The following CSMD1 variants were observed in gnomAD, a reference collection of about 807,000 sequenced individuals.
CSMD1 encodes the protein CUB and sushi domain-containing protein 1.
CSMD1 carries 213 observed loss-of-function variants against 417.5 expected under a neutral mutation model. The ratio of observed to expected loss-of-function variants is 0.51; its 90% CI spans 0.46 to 0.57. CSMD1 has a LOEUF of 0.57. CSMD1 is among the 20% of genes least tolerant of loss of function. The probability of loss-of-function intolerance (pLI) is 0.00; values close to 1 mark genes in which losing one functional copy is unlikely to be tolerated. For missense variants in CSMD1, 6,923 were observed against 4,529.7 expected (o/e 1.53, Z -15.17); for synonymous variants, 2,862 against 1,736.8 (o/e 1.65, Z -16.11).
chr8:4,102,078 T>C (rs1055940791), intron 3 of CSMD1, among the ~76,000 whole-genome samples: 3 of 152,188 alleles, frequency 2.0e-5, no homozygotes, highest in African/African-American at 7.2e-5. Flanking sequence ...TTACCTGCGC[T>C]GCACTAATTT....
chr8:3,308,617 G>C (rs1367285440), intron 23 of CSMD1, 114 bp from the exon 24 acceptor site: 1 of 748,718 alleles, frequency 1.3e-6, no homozygotes, highest in African/African-American at 1.8e-5. Flanking sequence ...GGAGAAAAAA[G>C]GAGATTGTGA....
chr8:4,041,174 G>A lies in CSMD1; in HGVS notation c.416-9075C>T, dbSNP rs113581052. The stretch of plus-strand genomic sequence containing the variant: ...TGGGACTACAGGCGCCCGCCACCAC[G>A]CCCGGCTAATTTTTTTGTATTTTTG... On this transcript the variant is annotated intron_variant, in intron 3 of 69. Transcript: ENST00000635120. Among the ~76,000 whole-genome samples the A allele has an allele frequency of 1.2e-3, 189 of 151,676 alleles. 1 individual carries two copies. The highest frequency in any genetic ancestry group is 4.3e-3 in the African/African-American group (179 of 41,358).
chr8:2,973,308 A>G lies in CSMD1; in HGVS notation c.8741-9T>C, dbSNP rs368283887. On this transcript the variant is annotated splice_polypyrimidine_tract_variant and intron_variant, in intron 56 of 69. Transcript: ENST00000635120. ...GAATCCAGGATTATTTCCTATTGAA[A>G]ACAAACACATACGGCAATCCACAAT... 40 of 1,613,086 alleles carry G rather than the reference A, an allele frequency of 2.5e-5. No homozygotes were observed. The African/African-American group carries it at 4.7e-4, about 19-fold the overall frequency.
At chr8:3,881,277 C>G (rs1358431052) in intron 5 of CSMD1, among the ~76,000 whole-genome samples, 1 of 144,060 alleles carries the variant, frequency 6.9e-6, no homozygotes, top group Non-Finnish European at 1.5e-5. Flanking sequence ...TTTTTTTTCA[C>G]TAATTCATAA....
chr8:4,274,598 G>A (rs759990421), intron 3 of CSMD1, among the ~76,000 whole-genome samples: 16 of 152,060 alleles, frequency 1.1e-4, no homozygotes, highest in Non-Finnish European at 2.2e-4. Flanking sequence ...TCTATTAATA[G>A]ATTAATCTAT....
chr8:4,929,337 C>G (rs1807080556), intron 1 of CSMD1, among the ~76,000 whole-genome samples: 1 of 152,126 alleles, frequency 6.6e-6, no homozygotes. Context: ...AGCCACCTAC[C>G]CTATCACAGT....
intron 2 of CSMD1, among the ~76,000 whole-genome samples, chr8:4,524,365 T>C (rs1245201345): frequency 6.6e-6 from 1 of 152,064 alleles, no homozygotes; most frequent in African/African-American, 2.4e-5. Context: ...AAAGAAGATG[T>C]ATTCCTCTGT....
intron 11 of CSMD1, among the ~76,000 whole-genome samples, chr8:3,469,547 C>G (rs1035588460): frequency 6.6e-6 from 1 of 152,078 alleles, no homozygotes; most frequent in East Asian, 1.9e-4. Flanking sequence ...AACACTAAAT[C>G]CATTGATTGA....
intron 2 of CSMD1, among the ~76,000 whole-genome samples, chr8:4,530,443 G>T (rs1259130874): frequency 1.4e-5 from 2 of 144,658 alleles, no homozygotes; most frequent in African/African-American, 5.1e-5. Flanking sequence ...CATCATCTAG[G>T]TTTTAATCCC....
chr8:3,319,264 G>C (rs74368175), intron 23 of CSMD1, among the ~76,000 whole-genome samples: 1 of 152,170 alleles, frequency 6.6e-6, no homozygotes, highest in Non-Finnish European at 1.5e-5. Context: ...CCGAGCATTT[G>C]ATTAACTAGT....
intron 2 of CSMD1, among the ~76,000 whole-genome samples, chr8:4,571,990 C>A (rs1459591978): frequency 6.6e-6 from 1 of 152,204 alleles, no homozygotes; most frequent in Non-Finnish European, 1.5e-5. Flanking sequence ...ATTCCCCCAT[C>A]CCTTTATTTG....
At chr8:2,947,670 T>C (rs967079707) in intron 68 of CSMD1, among the ~76,000 whole-genome samples, 4 of 152,156 alleles carry the variant, frequency 2.6e-5, no homozygotes, top group African/African-American at 9.7e-5. Context: ...CTCACTGGGG[T>C]GTCCTTCAAC....
chr8:4,016,042 C>A (rs1330906247), intron 4 of CSMD1, among the ~76,000 whole-genome samples: 1 of 152,160 alleles, frequency 6.6e-6, no homozygotes, highest in African/African-American at 2.4e-5. Context: ...GACATCTAAG[C>A]TCTCAGAGAA....
intron 2 of CSMD1, among the ~76,000 whole-genome samples, chr8:4,560,733 G>A (rs945368038): frequency 5.9e-5 from 9 of 152,228 alleles, no homozygotes; most frequent in Non-Finnish European, 1.3e-4. Flanking sequence ...GAGACTCTTC[G>A]GTTCCCATCT....
intron 3 of CSMD1, among the ~76,000 whole-genome samples, chr8:4,172,673 G>C (rs996360965): frequency 1.3e-5 from 2 of 152,162 alleles, no homozygotes; most frequent in Non-Finnish European, 2.9e-5. Context: ...GCTGGACCAG[G>C]TGTTTCACAC....
intron 3 of CSMD1, among the ~76,000 whole-genome samples, chr8:4,268,872 C>T (rs1563363304): frequency 2.0e-5 from 3 of 152,144 alleles, no homozygotes; most frequent in Admixed American, 2.0e-4. Flanking sequence ...TCCCTTTCCA[C>T]ATAGAATGTT....
At chr8:4,956,370 GGAT>G (rs943748660) in intron 1 of CSMD1, among the ~76,000 whole-genome samples, 1 of 150,230 alleles carries the variant, frequency 6.7e-6, no homozygotes, top group African/African-American at 2.4e-5. Flanking sequence ...CCGTAAGATA[GGAT>G]GATATAAGAT....
intron 3 of CSMD1, among the ~76,000 whole-genome samples, chr8:4,130,945 C>A (rs1033798694): frequency 6.6e-6 from 1 of 152,040 alleles, no homozygotes; most frequent in Non-Finnish European, 1.5e-5. Context: ...AATATCATAT[C>A]TAATCTATAA....
intron 1 of CSMD1, among the ~76,000 whole-genome samples, chr8:4,778,802 G>A (rs1242871584): frequency 6.6e-6 from 1 of 152,206 alleles, no homozygotes; most frequent in Non-Finnish European, 1.5e-5. Flanking sequence ...CATTAGGGCT[G>A]CTTAGAATAG....
Sources: gnomAD v4.1 joint callset for allele counts (sites outside exome capture counted in the v4.1 genomes callset) on GRCh38, gnomAD v4.1.1 for gene constraint, MANE v1.5 for transcripts, NCBI Gene and HGNC (gene_info 2026-07-23, HGNC 2026-07-21) for gene names.